Variants in RFX3 observed in about 807,000 individuals in gnomAD.
RFX3 encodes the protein regulatory factor X3, also known as transcription factor RFX3.
In RFX3, 14 loss-of-function variants were observed where a neutral mutation model predicts 98.6. That is an observed-to-expected ratio of 0.14 (90% CI 0.09 to 0.22). The LOEUF is 0.22. Among genes scored for constraint, RFX3 ranks in the 10% least tolerant of loss-of-function variants. The probability of loss-of-function intolerance (pLI) is 1.00; values close to 1 mark genes in which losing one functional copy is unlikely to be tolerated. For missense variants in RFX3, 639 were observed against 926.9 expected (o/e 0.69, Z 4.03); for synonymous variants, 383 against 328.4 (o/e 1.17, Z -1.80).
chr9:3,427,162 T>C (rs1381553661), intron 1 of RFX3, among the ~76,000 whole-genome samples: 1 of 148,920 alleles, frequency 6.7e-6, no homozygotes, highest in Admixed American at 6.7e-5. Context: ...GGTCATACTT[T>C]TCCTTTTTCT....
intron 1 of RFX3, among the ~76,000 whole-genome samples, chr9:3,504,927 T>TTA (rs1255702319): frequency 1.4e-5 from 1 of 73,582 alleles, no homozygotes; most frequent in Non-Finnish European, 2.2e-5. Context: ...ATAACATATA[T>TTA]TATATATAAT....
chr9:3,244,211 G>C (rs1441627537), intron 15 of RFX3, among the ~76,000 whole-genome samples: 1 of 151,840 alleles, frequency 6.6e-6, no homozygotes, highest in Non-Finnish European at 1.5e-5. Context: ...TCACCATATT[G>C]GTTAGGCTGG....
At chr9:3,456,484 T>C (rs545206284) in intron 1 of RFX3, among the ~76,000 whole-genome samples, 2 of 152,306 alleles carry the variant, frequency 1.3e-5, no homozygotes, top group East Asian at 1.9e-4. Context: ...CTTTATGTGA[T>C]ATGCAAATGT....
chr9:3,458,192 G>C (rs985732585), intron 1 of RFX3, among the ~76,000 whole-genome samples: 10 of 151,990 alleles, frequency 6.6e-5, no homozygotes, highest in African/African-American at 2.4e-4. Flanking sequence ...TAAAAATATG[G>C]GGTCAGTTAT....
At position 3,499,191 on chromosome 9, in the gene RFX3, A is replaced by G. The variant is rs568227805; in HGVS notation, c.-9+26556T>C. Among the ~76,000 whole-genome samples the G allele has an allele frequency of 2.0e-5, 3 of 152,226 alleles. No individual in the cohort carries two copies. The South Asian group carries it at 6.2e-4, about 32-fold the overall frequency. Reference sequence around the variant, plus strand: ...TTTTTATTTTCATACAGTCTCCTAAAAGGTCATAATGGATATAAATGAACT... The same window carrying G: ...TTTTTATTTTCATACAGTCTCCTAAGAGGTCATAATGGATATAAATGAACT... On this transcript the variant is annotated intron_variant, in intron 1 of 16. Coordinates refer to ENST00000617270, the MANE Select transcript of RFX3 (RefSeq NM_001282116.2).
At chr9:3,306,524 T>C (rs555013664) in intron 4 of RFX3, among the ~76,000 whole-genome samples, 4 of 139,068 alleles carry the variant, frequency 2.9e-5, no homozygotes, top group African/African-American at 1.1e-4. Context: ...TGACAGAGCA[T>C]GGGTAAGGCA....
chr9:3,359,053 T>A (rs1448537162), intron 2 of RFX3, among the ~76,000 whole-genome samples: 1 of 151,772 alleles, frequency 6.6e-6, no homozygotes, highest in African/African-American at 2.4e-5. Context: ...TCATCTGGTA[T>A]GCATGGTTTT....
intron 1 of RFX3, among the ~76,000 whole-genome samples, chr9:3,489,206 G>C (rs1850529543): frequency 6.6e-6 from 1 of 152,010 alleles, no homozygotes. Flanking sequence ...TCAATGGGCT[G>C]GCAATTGCAT....
rs575065761 is a variant in RFX3 at position 3,273,466 on chromosome 9, T to C, written c.1086+2034A>G. 3.3e-5 allele frequency among the ~76,000 whole-genome samples: 5 copies of C among 152,328 alleles called. No homozygotes were observed. In the South Asian group the frequency reaches 1.0e-3, roughly 32 times the overall value. On this transcript the variant is annotated intron_variant, in intron 9 of 16. Coordinates refer to ENST00000617270, the MANE Select transcript of RFX3 (RefSeq NM_001282116.2). ...TAATTCAAAGACTATTTCAACCTTA[T>C]TCAGGGGAGTTTGTCACTTAGAATA... is the stretch of plus-strand genomic sequence containing the variant.
chr9:3,285,063 C>T (rs1009792938), intron 7 of RFX3, among the ~76,000 whole-genome samples: 6 of 151,596 alleles, frequency 4.0e-5, no homozygotes, highest in African/African-American at 1.2e-4. Flanking sequence ...ACTATAATTC[C>T]AAATTCATGA....
In RFX3 at chr9:3,224,853, T is replaced by C. The variant is rs912401474; in HGVS notation, c.*189A>G. On this transcript the variant is annotated 3_prime_UTR_variant, in exon 17 of 17. Transcript: ENST00000617270. ...AAAAAATTCATTATTAAGAAGCAAA[T>C]AATTTGTTTACGTTAAAAAAAAAGA... 9.0e-5 allele frequency: 45 copies of C among 498,468 alleles called. No individual in the cohort carries two copies. The highest frequency in any genetic ancestry group is 8.1e-4 in the African/African-American group (42 of 51,840). The allele number at this position is 498,468 out of a possible 1,614,324, so 30.9% of individuals were successfully genotyped here. A position where few individuals can be genotyped will look rare whatever the true frequency, so the allele number is the denominator to read the frequency against.
chr9:3,492,394 C>CT (rs1434478092), intron 1 of RFX3, among the ~76,000 whole-genome samples: 6 of 152,260 alleles, frequency 3.9e-5, no homozygotes, highest in African/African-American at 1.4e-4. Flanking sequence ...GGGCCACTCA[C>CT]TTTAGAGAGC....
chr9:3,263,801 T>C (rs1823236061), intron 12 of RFX3, among the ~76,000 whole-genome samples: 1 of 152,192 alleles, frequency 6.6e-6, no homozygotes, highest in Non-Finnish European at 1.5e-5. Flanking sequence ...TCTTGTTCTC[T>C]GGCTTCCACC....
chr9:3,485,220 C>T (rs1419810726), intron 1 of RFX3, among the ~76,000 whole-genome samples: 1 of 152,136 alleles, frequency 6.6e-6, no homozygotes, highest in Non-Finnish European at 1.5e-5. Context: ...CCCTATACCA[C>T]CTCCCTGTTC....
chr9:3,280,362 T>C (rs1825781861), intron 7 of RFX3, among the ~76,000 whole-genome samples: 1 of 151,806 alleles, frequency 6.6e-6, no homozygotes. Flanking sequence ...TTGCTTTTCT[T>C]GCTTTAAGTA....
chr9:3,306,277 T>G (rs1323847611), intron 4 of RFX3, among the ~76,000 whole-genome samples: 1 of 152,004 alleles, frequency 6.6e-6, no homozygotes, highest in Admixed American at 6.6e-5. Context: ...CAAAAATGAT[T>G]AGGTTACGAG....
intron 2 of RFX3, among the ~76,000 whole-genome samples, chr9:3,367,812 C>T (rs369708776): frequency 5.9e-5 from 9 of 152,138 alleles, no homozygotes; most frequent in South Asian, 2.1e-4. Context: ...TCAAAAAGTT[C>T]GAATAGTTAA....
At chr9:3,384,616 T>A (rs1224742262) in intron 2 of RFX3, among the ~76,000 whole-genome samples, 2 of 152,222 alleles carry the variant, frequency 1.3e-5, no homozygotes, top group African/African-American at 4.8e-5. Context: ...TCTATTACTA[T>A]GATCCATTGT....
At chr9:3,442,771 T>A (rs1464580561) in intron 1 of RFX3, among the ~76,000 whole-genome samples, 1 of 152,192 alleles carries the variant, frequency 6.6e-6, no homozygotes, top group South Asian at 2.1e-4. Context: ...TAGACCTAAG[T>A]GTAAAACATA....
Sources: gnomAD v4.1 joint callset for allele counts (sites outside exome capture counted in the v4.1 genomes callset) on GRCh38, gnomAD v4.1.1 for gene constraint, MANE v1.5 for transcripts, NCBI Gene and HGNC (gene_info 2026-07-23, HGNC 2026-07-21) for gene names.